GPC6: variants seen among roughly 807,000 people sequenced by gnomAD.
GPC6 encodes glypican-6.
A neutral mutation model predicts 55.2 loss-of-function variants in GPC6; 14 were observed. The observed-to-expected ratio is 0.25, with a 90% confidence interval of 0.17 to 0.40. GPC6 has a LOEUF of 0.40. Ranked by LOEUF, GPC6 falls within the 10% of genes least tolerant of loss-of-function variation. The pLI is 1.00. For synonymous variants in GPC6, 278 were observed against 259.6 expected, an observed-to-expected ratio of 1.07 and a Z score of -0.68; for missense variants, 641 against 708.5, an observed-to-expected ratio of 0.90 and a Z score of 1.08.
At chr13:93,650,363 G>C (rs1331090961) in intron 2 of GPC6, among the ~76,000 whole-genome samples, 1 of 152,032 alleles carries the variant, frequency 6.6e-6, no homozygotes, top group Non-Finnish European at 1.5e-5. Context: ...AAATCTGTTA[G>C]GCTTCTTACA....
At chr13:93,998,359 T>C (rs555233157) in intron 3 of GPC6, among the ~76,000 whole-genome samples, 1 of 152,304 alleles carries the variant, frequency 6.6e-6, no homozygotes, top group African/African-American at 2.4e-5. Context: ...TCATCAAATT[T>C]ATAAACATTC....
At chr13:93,508,177 A>G (rs1880809647) in intron 1 of GPC6, among the ~76,000 whole-genome samples, 3 of 152,192 alleles carry the variant, frequency 2.0e-5, no homozygotes, top group Non-Finnish European at 2.9e-5. Context: ...TTTAGGAGGG[A>G]TAGTCAAGGT....
intron 3 of GPC6, among the ~76,000 whole-genome samples, chr13:93,855,427 T>TC (rs987861269): frequency 2.0e-4 from 30 of 151,706 alleles, no homozygotes; most frequent in African/African-American, 6.8e-4. Flanking sequence ...TATCCATTCA[T>TC]CTACGGAAGG....
At chr13:94,314,061 T>G (rs1204929200) in intron 6 of GPC6, among the ~76,000 whole-genome samples, 1 of 152,246 alleles carries the variant, frequency 6.6e-6, no homozygotes, top group Non-Finnish European at 1.5e-5. Context: ...CTATGTACAA[T>G]CTACATTATA....
intron 2 of GPC6, among the ~76,000 whole-genome samples, chr13:93,764,565 G>A (rs1427050848): frequency 2.4e-5 from 3 of 127,312 alleles, no homozygotes; most frequent in South Asian, 2.7e-4. Flanking sequence ...TTATTTATGA[G>A]AAAAAAATAA....
intron 4 of GPC6, among the ~76,000 whole-genome samples, chr13:94,264,706 A>G (rs916109334): frequency 1.3e-5 from 2 of 152,236 alleles, no homozygotes; most frequent in African/African-American, 4.8e-5. Context: ...GGTATTTGAG[A>G]TTAATCCATT....
chr13:93,444,346 C>T lies in GPC6; in HGVS notation c.161-100917C>T, dbSNP rs544034074. On this transcript the variant is annotated intron_variant, in intron 1 of 8. Coordinates refer to ENST00000377047, the MANE Select transcript of GPC6 (RefSeq NM_005708.5). ...CACGCTACCCTGGCGCCGTGTCTCA[C>T]GGCTGGAATCCCAGCACTTTGGGAG... 1.2e-4 allele frequency among the ~76,000 whole-genome samples: 19 copies of T among 152,188 alleles called. No homozygotes were observed. In the South Asian group the frequency reaches 3.5e-3, roughly 28 times the overall value.
chr13:93,691,520 G>A (rs1882256977), intron 2 of GPC6, among the ~76,000 whole-genome samples: 1 of 149,146 alleles, frequency 6.7e-6, no homozygotes, highest in South Asian at 2.1e-4. Context: ...AAACCTGTTT[G>A]ACGCTAATCT....
chr13:94,367,749 A>T (rs1451382003), intron 6 of GPC6, among the ~76,000 whole-genome samples: 1 of 152,168 alleles, frequency 6.6e-6, no homozygotes, highest in Non-Finnish European at 1.5e-5. Context: ...AAAACTAAGC[A>T]TTGTGTTTTC....
At chr13:93,761,970 A>G (rs1042549610) in intron 2 of GPC6, among the ~76,000 whole-genome samples, 5 of 152,098 alleles carry the variant, frequency 3.3e-5, no homozygotes, top group Non-Finnish European at 5.9e-5. Flanking sequence ...CATTCCTCCC[A>G]TCTAACTAAA....
chr13:94,152,903 A>G (rs867844178), intron 4 of GPC6, among the ~76,000 whole-genome samples: 1 of 152,166 alleles, frequency 6.6e-6, no homozygotes, highest in Non-Finnish European at 1.5e-5. Context: ...TGGAGATGTA[A>G]TCCCCACCTT....
intron 4 of GPC6, among the ~76,000 whole-genome samples, chr13:94,141,027 G>A (rs1887357868): frequency 6.6e-6 from 1 of 152,126 alleles, no homozygotes; most frequent in Non-Finnish European, 1.5e-5. Flanking sequence ...TTTAAGATAT[G>A]TAAAGAGGCT....
intron 1 of GPC6, among the ~76,000 whole-genome samples, chr13:93,257,387 C>T (rs144092099): frequency 6.6e-6 from 1 of 152,194 alleles, no homozygotes; most frequent in Non-Finnish European, 1.5e-5. Context: ...AAAATAGTCT[C>T]TTCTCTTTTC....
rs762470411 is a variant in GPC6 at position 93,545,318 on chromosome 13, A to G, written c.216A>G (p.Glu72=). The change falls in exon 2 of 9, where the codon GAA becomes GAG. Residue 72 remains glutamate (E), a synonymous_variant. Coordinates refer to ENST00000377047, the MANE Select transcript of GPC6 (RefSeq NM_005708.5). ...QEYTCCTTEM[E]DKLSQQSKLE... is the part of the protein sequence containing the mutation. ...ATACATGCTGCACCACAGAAATGGA[A>G]GACAAGTTAAGCCAACAAAGCAAAC... The G allele has an allele frequency of 1.4e-5, 23 of 1,613,706 alleles. 2 individuals carry two copies. In the South Asian group the frequency reaches 2.4e-4, roughly 17 times the overall value.
At chr13:93,564,400 A>G (rs972044761) in intron 2 of GPC6, among the ~76,000 whole-genome samples, 32 of 152,272 alleles carry the variant, frequency 2.1e-4, no homozygotes, top group African/African-American at 7.7e-4. Flanking sequence ...GGGAGCAGCA[A>G]TAAGAGAAAA....
At chr13:93,454,691 G>C (rs1006569404) in intron 1 of GPC6, among the ~76,000 whole-genome samples, 3 of 152,212 alleles carry the variant, frequency 2.0e-5, no homozygotes, top group Non-Finnish European at 4.4e-5. Context: ...GTTCTCCAAG[G>C]CCCCACCAGA....
At chr13:93,773,778 C>A (rs1885376297) in intron 2 of GPC6, among the ~76,000 whole-genome samples, 1 of 152,208 alleles carries the variant, frequency 6.6e-6, no homozygotes, top group Admixed American at 6.6e-5. Context: ...ACTTTAATAA[C>A]AAGCATTGAG....
At chr13:93,661,454 T>C (rs1208830406) in intron 2 of GPC6, among the ~76,000 whole-genome samples, 1 of 152,132 alleles carries the variant, frequency 6.6e-6, no homozygotes, top group Non-Finnish European at 1.5e-5. Context: ...CCTCAAGTGA[T>C]CCACCTCCCA....
chr13:93,234,332 TG>T (rs990129034), intron 1 of GPC6, among the ~76,000 whole-genome samples: 22 of 152,288 alleles, frequency 1.4e-4, no homozygotes, highest in African/African-American at 5.3e-4. Flanking sequence ...TACTGCCACC[TG>T]GGGGTCATGT....
Sources: allele counts gnomAD v4.1 joint callset (sites outside exome capture counted in the v4.1 genomes callset), GRCh38; gene constraint gnomAD v4.1.1; transcripts MANE v1.5; gene names NCBI Gene and HGNC (gene_info 2026-07-23, HGNC 2026-07-21).